Variants in APPBP2 observed in about 807,000 individuals in gnomAD.
APPBP2 encodes amyloid beta precursor protein binding protein 2.
In APPBP2, 15 loss-of-function variants were observed where a neutral mutation model predicts 76.0. The observed-to-expected ratio is 0.20, with a 90% confidence interval of 0.13 to 0.30. The LOEUF is 0.30. APPBP2 is among the 10% of genes least tolerant of loss of function. The pLI, the probability that APPBP2 is intolerant of heterozygous loss-of-function variation, is 1.00. For synonymous variants in APPBP2, 222 were observed against 242.2 expected (o/e 0.92, Z 0.77); for missense variants, 401 against 687.2 (o/e 0.58, Z 4.66).
At position 60,525,880 on chromosome 17, in the gene APPBP2, T is replaced by C. The variant is rs775276521; in HGVS notation, c.52A>G (p.Ile18Val). ...WIPETLYNTA[I>V]SAVVDNYIRS... ...ATGTAGTTGTCCACGACAGCGGAGA[T>C]GGCGGTGTTATAGAGAGTCTCTGGG... The change falls in exon 1 of 13, where the codon ATC (isoleucine) becomes GTC (valine). Residue 18 changes from isoleucine (I) to valine (V), a missense_variant. By Grantham distance (29) the Ile-to-Val change is conservative (BLOSUM62 3). Coordinates refer to ENST00000083182, the MANE Select transcript of APPBP2 (RefSeq NM_006380.5). 4 of 1,613,884 alleles carry C rather than the reference T, an allele frequency of 2.5e-6. No individual in the cohort carries two copies. Among genetic ancestry groups the C allele is most frequent in the South Asian group, 1.1e-5 (1 of 91,052 alleles).
At chr17:60,473,725 A>T (rs2090569619) in intron 4 of APPBP2, among the ~76,000 whole-genome samples, 1 of 152,212 alleles carries the variant, frequency 6.6e-6, no homozygotes, top group Non-Finnish European at 1.5e-5. Context: ...TCTAAATTAA[A>T]TTTTCAAAAA....
intron 3 of APPBP2, among the ~76,000 whole-genome samples, chr17:60,492,466 A>T (rs1169423421): frequency 6.6e-6 from 1 of 152,238 alleles, no homozygotes; most frequent in East Asian, 1.9e-4. Context: ...CCGTGAAAGC[A>T]GCTGGGAGGG....
intron 1 of APPBP2, among the ~76,000 whole-genome samples, chr17:60,514,677 T>C (rs1189944209): frequency 6.6e-6 from 1 of 150,428 alleles, no homozygotes; most frequent in East Asian, 1.9e-4. Flanking sequence ...TCTAACAGGA[T>C]TTTCCACACA....
rs2090417958 is a variant in APPBP2, at chr17:60,454,437, C to A, written c.1203G>T (p.Arg401Ser). 1 of 1,609,500 alleles carries A rather than the reference C, an allele frequency of 6.2e-7. No homozygotes were observed. Among genetic ancestry groups the A allele is most frequent in the African/African-American group, 1.3e-5 (1 of 74,694 alleles). ...GCAAATCATGAGCTTCTTGAAGCAG[C>A]CTCTGTTCAGTTTCCTTATTATGAC... ...IDCHNKETEQ[R>S]LLQEAHDLHL... The change falls in exon 11 of 13, where the codon AGG (arginine) becomes AGT (serine). Residue 401 changes from arginine to serine, a missense_variant. By Grantham distance (110) the Arg-to-Ser change is moderately radical. Transcript: ENST00000083182.
chr17:60,492,237 A>C (rs1240531598), intron 3 of APPBP2, among the ~76,000 whole-genome samples: 1 of 152,232 alleles, frequency 6.6e-6, no homozygotes, highest in Non-Finnish European at 1.5e-5. Context: ...CTGCATGTCC[A>C]GGCAGAAGTT....
chr17:60,505,678 T>G (rs994645550), intron 1 of APPBP2, among the ~76,000 whole-genome samples: 12 of 118,176 alleles, frequency 1.0e-4, no homozygotes, highest in East Asian at 5.1e-4. Flanking sequence ...CCCCTGCGGT[T>G]TTTTTTTTTT....
chr17:60,458,955 T>C (rs2090454324), intron 9 of APPBP2, among the ~76,000 whole-genome samples: 1 of 152,002 alleles, frequency 6.6e-6, no homozygotes, highest in African/African-American at 2.4e-5. Context: ...GTATTTTTAG[T>C]AGAGACGGGG....
At chr17:60,487,262 T>C (rs1249429244) in intron 3 of APPBP2, among the ~76,000 whole-genome samples, 2 of 152,238 alleles carry the variant, frequency 1.3e-5, no homozygotes, top group Admixed American at 1.3e-4. Flanking sequence ...GTTGGGGAAG[T>C]TCTCCTGGAT....
chr17:60,451,817 A>G (rs2090397424), intron 12 of APPBP2, 63 bp downstream of exon 12: 49 of 1,423,702 alleles, frequency 3.4e-5, no homozygotes, highest in Non-Finnish European at 4.5e-5. Flanking sequence ...TATACAACAT[A>G]TAAGACATGC....
chr17:60,476,775 T>C (rs1223128909), intron 4 of APPBP2, among the ~76,000 whole-genome samples: 2 of 152,200 alleles, frequency 1.3e-5, no homozygotes, highest in South Asian at 4.1e-4. Context: ...AAATTTTTTA[T>C]AGAAATGAGG....
At chr17:60,512,561 G>C (rs1162049316) in intron 1 of APPBP2, among the ~76,000 whole-genome samples, 2 of 151,702 alleles carry the variant, frequency 1.3e-5, no homozygotes, top group East Asian at 3.9e-4. Flanking sequence ...ATAGGGCTGG[G>C]TGCGGTGGCT....
intron 4 of APPBP2, among the ~76,000 whole-genome samples, chr17:60,476,669 T>C (rs2090593406): frequency 6.6e-6 from 1 of 152,238 alleles, no homozygotes; most frequent in South Asian, 2.1e-4. Flanking sequence ...AATGGCTTTG[T>C]TCCTTGGTCC....
intron 1 of APPBP2, among the ~76,000 whole-genome samples, chr17:60,505,687 T>G (rs964622643): frequency 3.6e-5 from 5 of 138,596 alleles, no homozygotes; most frequent in African/African-American, 8.8e-5. Flanking sequence ...TTTTTTTTTT[T>G]TTTTTTTTTT....
chr17:60,453,038 C>G (rs1182153270), intron 11 of APPBP2, among the ~76,000 whole-genome samples: 1 of 152,124 alleles, frequency 6.6e-6, no homozygotes, highest in African/African-American at 2.4e-5. Context: ...TCTTGCACAC[C>G]TGCCATGTGC....
intron 7 of APPBP2, 36 bp downstream of exon 7, chr17:60,461,958 C>A: frequency 1.9e-6 from 3 of 1,607,752 alleles, no homozygotes; most frequent in Non-Finnish European, 2.6e-6. Flanking sequence ...AGTATAGAGA[C>A]AATTTAAAAG....
intron 1 of APPBP2, among the ~76,000 whole-genome samples, chr17:60,502,274 T>G (rs1035494232): frequency 3.9e-5 from 6 of 152,206 alleles, no homozygotes; most frequent in Non-Finnish European, 8.8e-5. Flanking sequence ...TATAGAAAAG[T>G]AAGAGCTTCT....
At chr17:60,495,465 T>A (rs1462899714) in intron 2 of APPBP2, among the ~76,000 whole-genome samples, 1 of 149,806 alleles carries the variant, frequency 6.7e-6, no homozygotes. Context: ...TTTATTTATT[T>A]ATTTATTTAT....
At chr17:60,455,938 C>T (rs562567079) in intron 10 of APPBP2, among the ~76,000 whole-genome samples, 15 of 152,200 alleles carry the variant, frequency 9.9e-5, no homozygotes, top group East Asian at 9.7e-4. Context: ...CCACCACATC[C>T]GGCTAATTTT....
intron 1 of APPBP2, among the ~76,000 whole-genome samples, chr17:60,522,815 T>G (rs775860060): frequency 2.4e-4 from 37 of 152,038 alleles, no homozygotes; most frequent in African/African-American, 8.0e-4. Flanking sequence ...CTCATTCTCT[T>G]GGTTTCTGCC....
Sources: allele counts gnomAD v4.1 joint callset (sites outside exome capture counted in the v4.1 genomes callset), GRCh38; gene constraint gnomAD v4.1.1; transcripts MANE v1.5; gene names NCBI Gene and HGNC (gene_info 2026-07-23, HGNC 2026-07-21).